SYT14: variants seen among roughly 807,000 people sequenced by gnomAD.
SYT14 encodes synaptotagmin 14.
SYT14 carries 32 observed loss-of-function variants against 74.2 expected under a neutral mutation model. That is an observed-to-expected ratio of 0.43 (90% CI 0.33 to 0.58). The LOEUF (loss-of-function observed/expected upper bound fraction) is 0.58, where lower values mean the gene tolerates loss of function less well. SYT14 is among the 20% of genes least tolerant of loss of function. The probability of loss-of-function intolerance (pLI) is 0.05; values close to 1 mark genes in which losing one functional copy is unlikely to be tolerated. For missense variants in SYT14, 791 were observed against 981.8 expected (o/e 0.81, Z 2.60); for synonymous variants, 298 against 337.7 (o/e 0.88, Z 1.29).
At chr1:210,137,681 C>CT (rs397717067) in intron 7 of SYT14, among the ~76,000 whole-genome samples, 56,420 of 135,366 alleles carry the variant, frequency 0.42, 12,791 homozygotes, top group East Asian at 0.68. Flanking sequence ...CTTCAAATTT[C>CT]TTTTTTTTTT....
intron 1 of SYT14, among the ~76,000 whole-genome samples, chr1:209,941,491 G>A (rs2078729279): frequency 6.6e-6 from 1 of 152,106 alleles, no homozygotes; most frequent in South Asian, 2.1e-4. Context: ...TTCTAGTGTT[G>A]GCCTCTGTTA....
intron 2 of SYT14, among the ~76,000 whole-genome samples, chr1:209,975,649 A>G (rs894689907): frequency 6.6e-6 from 1 of 152,172 alleles, no homozygotes; most frequent in Non-Finnish European, 1.5e-5. Flanking sequence ...CATCAGGGAT[A>G]TTGGTCTAAA....
chr1:210,017,902 G>A (rs918591701), intron 4 of SYT14, among the ~76,000 whole-genome samples: 3 of 152,098 alleles, frequency 2.0e-5, no homozygotes, highest in Non-Finnish European at 4.4e-5. Context: ...TACACATCTG[G>A]AATTTTTCTC....
exon 4 of SYT14, chr1:210,016,191 CAGA>C: frequency 8.1e-7 from 1 of 1,232,088 alleles, no homozygotes; most frequent in Non-Finnish European, 1.0e-6. Context: ...AGCTCTGTAG[CAGA>C]AGAAGCTGTA....
intron 4 of SYT14, among the ~76,000 whole-genome samples, chr1:210,020,218 C>T (rs1338840196): frequency 6.6e-6 from 1 of 152,102 alleles, no homozygotes; most frequent in Non-Finnish European, 1.5e-5. Flanking sequence ...AAATTCACAT[C>T]CTCATTTTTA....
At chr1:210,108,637 AAAG>A (rs947786822) in intron 7 of SYT14, among the ~76,000 whole-genome samples, 1 of 152,146 alleles carries the variant, frequency 6.6e-6, no homozygotes, top group African/African-American at 2.4e-5. Context: ...TTAAAAAAAA[AAAG>A]GACAAATAAC....
intron 5 of SYT14, among the ~76,000 whole-genome samples, chr1:210,051,054 T>C (rs549948368): frequency 3.7e-4 from 56 of 152,358 alleles, no homozygotes; most frequent in African/African-American, 1.3e-3. Context: ...TTTATTTTGA[T>C]ACCACGCATT....
intron 8 of SYT14, among the ~76,000 whole-genome samples, chr1:210,159,024 TATTAA>T (rs2083322909): frequency 1.3e-5 from 2 of 151,666 alleles, no homozygotes; most frequent in South Asian, 4.1e-4. Flanking sequence ...GTATTTGAAA[TATTAA>T]ATTGATACAT....
At chr1:209,999,681 A>C (rs1008387397) in intron 2 of SYT14, among the ~76,000 whole-genome samples, 1 of 152,192 alleles carries the variant, frequency 6.6e-6, no homozygotes, top group Non-Finnish European at 1.5e-5. Flanking sequence ...GCTCTCACTC[A>C]TATGTGGGAG....
intron 2 of SYT14, among the ~76,000 whole-genome samples, chr1:210,013,370 G>T (rs11119391): frequency 3.9e-5 from 6 of 152,076 alleles, no homozygotes; most frequent in Admixed American, 3.3e-4. Context: ...GTGCCTGGCC[G>T]ACTCCTGTCT....
chr1:210,018,012 T>C (rs2080221605), intron 4 of SYT14, among the ~76,000 whole-genome samples: 1 of 152,208 alleles, frequency 6.6e-6, no homozygotes, highest in African/African-American at 2.4e-5. Context: ...GATCTGCTAT[T>C]TATCTATTAT....
At chr1:209,994,861 C>T (rs193006280) in intron 2 of SYT14, among the ~76,000 whole-genome samples, 21 of 152,220 alleles carry the variant, frequency 1.4e-4, no homozygotes, top group Non-Finnish European at 2.2e-4. Context: ...AAAGGAATTC[C>T]AGCTAAGAAT....
intron 5 of SYT14, among the ~76,000 whole-genome samples, chr1:210,038,817 T>C (rs1296795176): frequency 1.3e-5 from 2 of 152,144 alleles, no homozygotes; most frequent in South Asian, 2.1e-4. Flanking sequence ...TATAGGTGTT[T>C]AGATGCTATT....
intron 4 of SYT14, among the ~76,000 whole-genome samples, chr1:210,019,107 G>A (rs227226): frequency 0.37 from 47,461 of 128,876 alleles, 8,902 homozygotes; most frequent in Middle Eastern, 0.44. Flanking sequence ...CTGCACTCCA[G>A]ACTGGCAACA....
intron 5 of SYT14, among the ~76,000 whole-genome samples, chr1:210,048,514 A>C (rs1365569375): frequency 6.6e-6 from 1 of 152,210 alleles, no homozygotes; most frequent in Non-Finnish European, 1.5e-5. Flanking sequence ...AGTGAGACTC[A>C]GTCACTATCA....
intron 5 of SYT14, among the ~76,000 whole-genome samples, chr1:210,029,025 G>A (rs1156642634): frequency 6.6e-6 from 1 of 152,060 alleles, no homozygotes; most frequent in Non-Finnish European, 1.5e-5. Flanking sequence ...TTAATTATTA[G>A]CGACACTGAA....
At chr1:210,129,856 T>C (rs1572351268) in intron 7 of SYT14, among the ~76,000 whole-genome samples, 1 of 152,210 alleles carries the variant, frequency 6.6e-6, no homozygotes, top group Non-Finnish European at 1.5e-5. Context: ...GTAAAGATGC[T>C]CAGGCTCCCA....
intron 2 of SYT14, among the ~76,000 whole-genome samples, chr1:210,005,144 T>C (rs2079967210): frequency 6.6e-6 from 1 of 151,980 alleles, no homozygotes; most frequent in South Asian, 2.1e-4. Flanking sequence ...CATTCAATGT[T>C]TTCAGCAAAA....
At chr1:210,097,110 T>C (rs573036585) in intron 6 of SYT14, among the ~76,000 whole-genome samples, 21 of 152,356 alleles carry the variant, frequency 1.4e-4, no homozygotes, top group African/African-American at 5.0e-4. Context: ...AAATGCACAT[T>C]ACAGAAATAT....
Sources: allele counts gnomAD v4.1 joint callset (sites outside exome capture counted in the v4.1 genomes callset), GRCh38; gene constraint gnomAD v4.1.1; transcripts MANE v1.5; gene names NCBI Gene and HGNC (gene_info 2026-07-23, HGNC 2026-07-21).